The following DENND1A variants were observed in gnomAD, a reference collection of about 807,000 sequenced individuals.
DENND1A encodes DENN domain containing 1A.
In DENND1A, 51 loss-of-function variants were observed where a neutral mutation model predicts 113.7. The observed-to-expected ratio is 0.45, with a 90% CI of 0.36 to 0.57. The LOEUF (loss-of-function observed/expected upper bound fraction) is 0.57, where lower values mean the gene tolerates loss of function less well. Among genes scored for constraint, DENND1A ranks in the 20% least tolerant of loss-of-function variants. The pLI, the probability that DENND1A is intolerant of heterozygous loss-of-function variation, is 0.00. For synonymous variants in DENND1A, 565 were observed against 570.8 expected (o/e 0.99, Z 0.14); for missense variants, 1,258 against 1,395.9 (o/e 0.90, Z 1.57).
chr9:123,566,930 C>CACACACACAG (rs1564732034), intron 12 of DENND1A, among the ~76,000 whole-genome samples: 1 of 151,822 alleles, frequency 6.6e-6, no homozygotes, highest in Non-Finnish European at 1.5e-5. Context: ...CACACACACA[C>CACACACACAG]ACACACACAC....
At chr9:123,585,396 G>A (rs2136858213) in intron 11 of DENND1A, among the ~76,000 whole-genome samples, 1 of 152,340 alleles carries the variant, frequency 6.6e-6, no homozygotes, top group South Asian at 2.1e-4. Flanking sequence ...TTAGGTTAGT[G>A]CAAAAGTAAT....
At chr9:123,707,430 T>C (rs1315569336) in intron 5 of DENND1A, among the ~76,000 whole-genome samples, 1 of 149,396 alleles carries the variant, frequency 6.7e-6, no homozygotes, top group African/African-American at 2.5e-5. Context: ...GCCCAAGGAC[T>C]GAGCCCTGGA....
At chr9:123,585,601 C>T (rs1589241349) in intron 11 of DENND1A, among the ~76,000 whole-genome samples, 1 of 152,292 alleles carries the variant, frequency 6.6e-6, no homozygotes, top group Non-Finnish European at 1.5e-5. Context: ...AGGTTAAATG[C>T]CCAGCAGTGT....
chr9:123,736,945 C>T (rs990331061), intron 5 of DENND1A, among the ~76,000 whole-genome samples: 13 of 152,128 alleles, frequency 8.5e-5, no homozygotes, highest in Admixed American at 6.5e-4. Context: ...TGAAGATTAC[C>T]TTAATGGACT....
At chr9:123,839,354 A>G (rs1432578435) in intron 2 of DENND1A, among the ~76,000 whole-genome samples, 1 of 152,188 alleles carries the variant, frequency 6.6e-6, no homozygotes, top group African/African-American at 2.4e-5. Context: ...TTCCTGAGCT[A>G]GTTTTAGTGA....
chr9:123,818,519 TACACACACACACACACACAC>T (rs1215014185), intron 2 of DENND1A, among the ~76,000 whole-genome samples: 21 of 112,300 alleles, frequency 1.9e-4, no homozygotes, highest in Middle Eastern at 4.1e-3. Context: ...TACATACATA[TACACACACACACACACACAC>T]ACACACACAC....
At chr9:123,717,917 G>A (rs901884785) in intron 5 of DENND1A, among the ~76,000 whole-genome samples, 14 of 152,306 alleles carry the variant, frequency 9.2e-5, no homozygotes, top group African/African-American at 3.4e-4. Context: ...AGGCAATTTT[G>A]GAAACATACA....
intron 9 of DENND1A, among the ~76,000 whole-genome samples, chr9:123,637,661 T>C (rs1187883060): frequency 6.6e-6 from 1 of 152,152 alleles, no homozygotes; most frequent in Non-Finnish European, 1.5e-5. Context: ...CTATCAAAGA[T>C]ACTCTAGCAG....
At chr9:123,569,345 T>C (rs763326380) in intron 12 of DENND1A, among the ~76,000 whole-genome samples, 1 of 152,128 alleles carries the variant, frequency 6.6e-6, no homozygotes, top group Non-Finnish European at 1.5e-5. Flanking sequence ...TTTCAACCAA[T>C]AAAACACAAC....
At chr9:123,507,623 C>T in intron 13 of DENND1A, among the ~76,000 whole-genome samples, 1 of 151,600 alleles carries the variant, frequency 6.6e-6, no homozygotes, top group South Asian at 2.1e-4. Context: ...CCGAGGGGGG[C>T]AGCTCGCTTA....
At chr9:123,760,934 T>C (rs1414270169) in intron 4 of DENND1A, among the ~76,000 whole-genome samples, 1 of 152,216 alleles carries the variant, frequency 6.6e-6, no homozygotes, top group East Asian at 1.9e-4. Context: ...AATATGATTG[T>C]TCAGTGTTTT....
chr9:123,552,856 C>A (rs78392208), intron 13 of DENND1A, among the ~76,000 whole-genome samples: 5,555 of 152,356 alleles, frequency 0.036, 369 homozygotes, highest in African/African-American at 0.13. Context: ...CCCAGTAAAT[C>A]CATGTCAAGG....
chr9:123,561,287 AGTC>A (rs1004565847), intron 12 of DENND1A, among the ~76,000 whole-genome samples: 2 of 151,400 alleles, frequency 1.3e-5, no homozygotes, highest in Non-Finnish European at 3.0e-5. Context: ...ACAAAGAAGG[AGTC>A]GTTGATTGTA....
At chr9:123,641,318 T>G (rs1281032259) in intron 9 of DENND1A, among the ~76,000 whole-genome samples, 1 of 152,008 alleles carries the variant, frequency 6.6e-6, no homozygotes, top group Non-Finnish European at 1.5e-5. Context: ...AAGAGTCATA[T>G]GAGAAGCTAT....
intron 2 of DENND1A, among the ~76,000 whole-genome samples, chr9:123,800,071 A>G (rs936087934): frequency 2.0e-5 from 3 of 152,246 alleles, no homozygotes; most frequent in African/African-American, 4.8e-5. Context: ...TAGAAACACT[A>G]TAACTTTATC....
intron 2 of DENND1A, among the ~76,000 whole-genome samples, chr9:123,875,449 A>G (rs1018098960): frequency 6.6e-6 from 1 of 152,198 alleles, no homozygotes; most frequent in Non-Finnish European, 1.5e-5. Context: ...GCCATAATAA[A>G]TATACCTTTA....
At chr9:123,918,113 C>T (rs1855515950) in intron 1 of DENND1A, among the ~76,000 whole-genome samples, 1 of 142,262 alleles carries the variant, frequency 7.0e-6, no homozygotes, top group Non-Finnish European at 1.5e-5. Context: ...GACTCTGTCT[C>T]AAAAAAAATA....
intron 2 of DENND1A, among the ~76,000 whole-genome samples, chr9:123,819,000 A>C (rs1838032283): frequency 6.6e-6 from 1 of 152,180 alleles, no homozygotes; most frequent in Non-Finnish European, 1.5e-5. Context: ...ATCACCTACA[A>C]ACTTGTTAAA....
At chr9:123,598,162 G>A (rs1198721474) in intron 11 of DENND1A, among the ~76,000 whole-genome samples, 2 of 152,174 alleles carry the variant, frequency 1.3e-5, no homozygotes, top group Non-Finnish European at 2.9e-5. Flanking sequence ...AAACCTTGAT[G>A]TGCAATAAGC....
Sources: gnomAD v4.1 joint callset for allele counts (sites outside exome capture counted in the v4.1 genomes callset) on GRCh38, gnomAD v4.1.1 for gene constraint, MANE v1.5 for transcripts, NCBI Gene and HGNC (gene_info 2026-07-23, HGNC 2026-07-21) for gene names.